Variants in PTK6 observed in about 807,000 individuals in gnomAD.
PTK6 encodes protein tyrosine kinase 6.
A neutral mutation model predicts 47.5 loss-of-function variants in PTK6; 47 were observed. The observed-to-expected ratio is 0.99, with a 90% confidence interval of 0.78 to 1.26. The LOEUF (loss-of-function observed/expected upper bound fraction) is 1.26. Among genes scored for constraint, PTK6 ranks in the 50% most tolerant of loss-of-function variants. PTK6 has a pLI of 0.00. For synonymous variants in PTK6, 287 were observed against 276.5 expected (o/e 1.04, Z -0.38); for missense variants, 618 against 625.3 (o/e 0.99, Z 0.12).
chr20:63,534,880 A>T, intron 2 of PTK6, 58 bp downstream of exon 2: 1 of 1,534,702 alleles, frequency 6.5e-7, no homozygotes. Flanking sequence ...CGTGGCTGGG[A>T]GGGCTTAGAG....
At chr20:63,532,353 GTC>G (rs1258776515) in intron 5 of PTK6, among the ~76,000 whole-genome samples, 171 bp downstream of exon 5, 2 of 144,624 alleles carry the variant, frequency 1.4e-5, no homozygotes, top group East Asian at 1.9e-4. Context: ...GTGCATGTGT[GTC>G]TGTGCGTGTG....
At position 63,534,307 on chromosome 20, in the gene PTK6, T is replaced by A; in HGVS notation, c.361A>T (p.Thr121Ser). Residue 121 changes from threonine (T) to serine (S), a missense_variant, in exon 3 of 8, where the codon ACG (threonine) becomes TCG (serine). Coordinates refer to ENST00000542869, the MANE Select transcript of PTK6 (RefSeq NM_005975.4). ...SADYVLSVRD[T>S]QAVRHYKIWR... Reference sequence around the variant, plus strand: ...ATCTTGTAGTGCCGCACAGCCTGCGTGTCCCGCACTGGGAGGGAGAGCGTG... The same window carrying A: ...ATCTTGTAGTGCCGCACAGCCTGCGAGTCCCGCACTGGGAGGGAGAGCGTG... 6.2e-7 allele frequency: 1 copy of A among 1,602,450 alleles called. No individual in the cohort carries two copies. The highest frequency in any genetic ancestry group is 8.5e-7 in the Non-Finnish European group (1 of 1,176,412).
At chr20:63,532,327 CTGT>C (rs1303266162) in intron 5 of PTK6, among the ~76,000 whole-genome samples, 196 bp downstream of exon 5, 19,313 of 143,362 alleles carry the variant, frequency 0.13, 3,960 homozygotes, top group African/African-American at 0.47. Flanking sequence ...ATGTGTATGT[CTGT>C]GTGCATGTGT....
At position 63,535,102 on chromosome 20, in the gene PTK6, C is replaced by A. The variant is rs2082654606; in HGVS notation, c.231-43G>T. 3 of 1,547,030 alleles carry A rather than the reference C, an allele frequency of 1.9e-6. No individual in the cohort carries two copies. In the African/African-American group the frequency reaches 4.1e-5, roughly 21 times the overall value. Reference sequence around the variant, plus strand: ...GAGAACACGCGGACCTGGGCCCACCCCACGTGGACCCCACGCTGGCCCCAG... The same window carrying A: ...GAGAACACGCGGACCTGGGCCCACCACACGTGGACCCCACGCTGGCCCCAG... On this transcript the variant is annotated intron_variant, in intron 1 of 7. Coordinates refer to ENST00000542869, the MANE Select transcript of PTK6 (RefSeq NM_005975.4).
Position 63,533,114 on chromosome 20 carries a change from C to T in PTK6, c.671-427G>A, listed in dbSNP as rs1409190760. Among the ~76,000 whole-genome samples, 1 of 151,212 alleles carries T rather than the reference C, an allele frequency of 6.6e-6. No homozygotes were observed. Among genetic ancestry groups the T allele is most frequent in the African/African-American group, 2.5e-5 (1 of 40,800 alleles). On this transcript the variant is annotated intron_variant, in intron 4 of 7. Transcript: ENST00000542869. The surrounding 1 kb of genome is among the most constrained non-coding windows in gnomAD (Gnocchi z 4.0). ...ACGGGGTCTTGCTCTGTCGCCCAGG[C>T]TGGAGTGCAATGGCGCGATCTCAGC...
chr20:63,532,811 C>T, intron 4 of PTK6, 124 bp from the exon 5 acceptor site: 1 of 1,278,860 alleles, frequency 7.8e-7, no homozygotes, highest in Non-Finnish European at 1.0e-6. Context: ...ACACACAGAC[C>T]TCCTGCCCCC....
chr20:63,535,816 C>G (rs1288115272), intron 1 of PTK6, among the ~76,000 whole-genome samples: 1 of 63,958 alleles, frequency 1.6e-5, no homozygotes, highest in African/African-American at 1.2e-4. Flanking sequence ...CTCCCGCCCC[C>G]TCCTCACCTG....
chr20:63,532,157 GTGTC>G (rs1452355952), intron 5 of PTK6, among the ~76,000 whole-genome samples: 8 of 143,688 alleles, frequency 5.6e-5, no homozygotes, highest in African/African-American at 1.8e-4. Context: ...GGATCAGTGT[GTGTC>G]TGTGTGTGTG....
At chr20:63,532,319 GTGTATGTC>G (rs1392374529) in intron 5 of PTK6, among the ~76,000 whole-genome samples, 199 bp downstream of exon 5, 11 of 120,468 alleles carry the variant, frequency 9.1e-5, no homozygotes, top group African/African-American at 7.7e-4. Flanking sequence ...GTGTGTGCAT[GTGTATGTC>G]TGTGTGCATG....
Position 63,533,528 on chromosome 20 carries a change from A to G in PTK6, c.670+23T>C. 6.3e-7 allele frequency: 1 copy of G among 1,582,764 alleles called. No homozygotes were observed. The highest frequency in any genetic ancestry group is 1.2e-5 in the South Asian group (1 of 86,744). On this transcript the variant is annotated intron_variant, in intron 4 of 7. Transcript: ENST00000542869. The surrounding 1 kb of genome is among the most constrained non-coding windows in gnomAD (Gnocchi z 4.0). Reference sequence around the variant, plus strand: ...CCAGGGCAGGCACGGGGCCACACAGAGCCCTGATCGGGGCCCACTCACCTC... The same window carrying G: ...CCAGGGCAGGCACGGGGCCACACAGGGCCCTGATCGGGGCCCACTCACCTC...
rs758215657 is a variant in PTK6 at position 63,534,167 on chromosome 20, G to A, written c.501C>T (p.Ala167=). The A allele has an allele frequency of 9.6e-6, 15 of 1,554,990 alleles. No individual in the cohort carries two copies. The highest frequency in any genetic ancestry group is 3.9e-5 in the Admixed American group (2 of 51,774). Residue 167 remains alanine (A), a synonymous_variant, in exon 3 of 8, where the codon GCC becomes GCT. Coordinates refer to ENST00000542869, the MANE Select transcript of PTK6 (RefSeq NM_005975.4). ...AQSLSHGLRL[A]APCRKHEPEP... ...GAGCGGCTACCTTCCGGCAGGGCGC[G>A]GCCAGCCGCAGGCCGTGGGACAGGC...
Position 63,530,364 on chromosome 20 carries a change from C to A in PTK6, c.1015-133G>T, listed in dbSNP as rs1416463772. On this transcript the variant is annotated intron_variant, in intron 6 of 7. Transcript: ENST00000542869. The surrounding 1 kb of genome is among the most constrained non-coding windows in gnomAD (Gnocchi z 4.1). Reference sequence around the variant, plus strand: ...CCCCACTGTCTGACCCACGCACGGCCGCTGCAGCTAAGGCCACACTGGGGC... The same window carrying A: ...CCCCACTGTCTGACCCACGCACGGCAGCTGCAGCTAAGGCCACACTGGGGC... The A allele has an allele frequency of 2.4e-5, 28 of 1,189,730 alleles. No homozygotes were observed. Among genetic ancestry groups the A allele is most frequent in the Non-Finnish European group, 3.3e-5 (28 of 850,496 alleles). The allele number at this position is 1,189,730 out of a possible 1,614,324, so 73.7% of individuals were successfully genotyped here.
At chr20:63,534,731 G>A (rs1249258804) in intron 2 of PTK6, among the ~76,000 whole-genome samples, 2 of 152,144 alleles carry the variant, frequency 1.3e-5, no homozygotes, top group Admixed American at 6.5e-5. Context: ...CTCCCAGGGA[G>A]GGGCCCTGCC....
chr20:63,532,688 C>T lies in PTK6; in HGVS notation c.671-1G>A. On this transcript the variant is annotated splice_acceptor_variant, in intron 4 of 7. Coordinates refer to ENST00000542869, the MANE Select transcript of PTK6 (RefSeq NM_005975.4). LOFTEE classifies it high-confidence loss of function. Reference sequence around the variant, plus strand: ...AGCATCTGCTGGTGCAGGAGGTTGTCTGCGGGGACGGGTGGCCTCGGTGGA... The same window carrying T: ...AGCATCTGCTGGTGCAGGAGGTTGTTTGCGGGGACGGGTGGCCTCGGTGGA... 8 of 1,613,396 alleles carry T rather than the reference C, an allele frequency of 5.0e-6. No homozygotes were observed. Among genetic ancestry groups the T allele is most frequent in the Non-Finnish European group, 6.8e-6 (8 of 1,179,752 alleles).
intron 1 of PTK6, 69 bp from the exon 2 acceptor site, chr20:63,535,128 C>A (rs1184992547): frequency 3.3e-6 from 5 of 1,494,784 alleles, no homozygotes; most frequent in African/African-American, 1.4e-5. Context: ...CTGGCCCCAG[C>A]CTGCCCGCCT....
chr20:63,531,408 C>G (rs1485209947), intron 5 of PTK6, among the ~76,000 whole-genome samples: 32 of 110,030 alleles, frequency 2.9e-4, no homozygotes, highest in Middle Eastern at 7.5e-3. Context: ...GCGACAGAGC[C>G]AGACTCCGTC....
chr20:63,530,204 T>C lies in PTK6; in HGVS notation c.1042A>G (p.Asn348Asp), dbSNP rs2082607045. ...GGGGCCGTCCACTTGTAGGGGATATTGTGGTCATGGGAGAGGTAGACGTCC... is the reference window on the plus strand; with the variant it reads ...GGGGCCGTCCACTTGTAGGGGATATCGTGGTCATGGGAGAGGTAGACGTCC... ...KEDVYLSHDH[N>D]IPYKWTAPEA... The change falls in exon 7 of 8, where the codon AAT (asparagine) becomes GAT (aspartate). Residue 348 changes from asparagine to aspartate, a missense_variant. Coordinates refer to ENST00000542869, the MANE Select transcript of PTK6 (RefSeq NM_005975.4). This position sits in a 1 kb window ranked among gnomAD's most constrained non-coding sequence, Gnocchi z 4.1. The C allele has an allele frequency of 2.5e-6, 4 of 1,614,002 alleles. No homozygotes were observed. The highest frequency in any genetic ancestry group is 1.3e-5 in the African/African-American group (1 of 75,052).
At position 63,532,557 on chromosome 20, in the gene PTK6, C is replaced by G. The variant is rs1351898799; in HGVS notation, c.801G>C (p.Met267Ile). The change falls in exon 5 of 8, where the codon ATG (methionine) becomes ATC (isoleucine). Residue 267 changes from methionine to isoleucine, a missense_variant. Transcript: ENST00000542869. ...GCAGCTCCAGCAGGCTGCCCTTGGC[C>G]ATGAGCTCCGTGATGATGTACACGG... ...GDPVYIITEL[M>I]AKGSLLELLR... 1 of 1,613,374 alleles carries G rather than the reference C, an allele frequency of 6.2e-7. No individual in the cohort carries two copies. The highest frequency in any genetic ancestry group is 1.7e-5 in the Admixed American group (1 of 60,010).
chr20:63,537,020 C>CCT, intron 1 of PTK6, 65 bp downstream of exon 1: 2 of 1,496,400 alleles, frequency 1.3e-6, no homozygotes, highest in Non-Finnish European at 1.8e-6. Flanking sequence ...AGCCCAGAGC[C>CCT]CTGTCCCTCC....
Sources: allele counts gnomAD v4.1 joint callset (sites outside exome capture counted in the v4.1 genomes callset), GRCh38; gene constraint gnomAD v4.1.1; non-coding constraint Gnocchi (gnomAD v3.1); transcripts MANE v1.5; gene names NCBI Gene and HGNC (gene_info 2026-07-23, HGNC 2026-07-21).